TMEM117: variants seen among roughly 807,000 people sequenced by gnomAD.
The protein encoded by TMEM117 is transmembrane protein 117.
TMEM117 carries 27 observed loss-of-function variants against 52.4 expected under a neutral mutation model. The observed-to-expected ratio is 0.51, with a 90% CI of 0.38 to 0.71. The LOEUF is 0.71. Ranked by LOEUF, TMEM117 falls within the 30% of genes least tolerant of loss-of-function variation. The probability of loss-of-function intolerance (pLI) is 0.00; values close to 1 mark genes in which losing one functional copy is unlikely to be tolerated. For missense variants in TMEM117, 556 were observed against 630.5 expected (o/e 0.88, Z 1.26); for synonymous variants, 215 against 206.3 (o/e 1.04, Z -0.36).
the TMEM117 span, among the ~76,000 whole-genome samples, chr12:44,396,130 C>G: frequency 6.6e-6 from 1 of 152,078 alleles, no homozygotes; most frequent in African/African-American, 2.4e-5. Flanking sequence ...CTCTGGTTTT[C>G]TCTCCCCTGT....
At chr12:44,095,593 A>G (rs1947744736) in intron 3 of TMEM117, among the ~76,000 whole-genome samples, 1 of 152,082 alleles carries the variant, frequency 6.6e-6, no homozygotes, top group Admixed American at 6.6e-5. Context: ...TAGATTCAAG[A>G]GAAAGTTGCA....
rs1183754046 is a variant in TMEM117 at position 44,209,241 on chromosome 12, C to T, written c.511-2049C>T. On this transcript the variant is annotated intron_variant, in intron 4 of 7. Coordinates refer to ENST00000266534, the MANE Select transcript of TMEM117 (RefSeq NM_032256.3). ...TGTGAGATTTAAATTTCTCTATTTT[C>T]AACTTTATTCTTTTTTTCCAGTAAC... Among the ~76,000 whole-genome samples the T allele has an allele frequency of 2.0e-5, 3 of 151,938 alleles. No homozygotes were observed. The East Asian group carries it at 5.8e-4, about 29-fold the overall frequency.
At chr12:44,222,822 C>A (rs577413639) in intron 5 of TMEM117, among the ~76,000 whole-genome samples, 1 of 152,198 alleles carries the variant, frequency 6.6e-6, no homozygotes, top group African/African-American at 2.4e-5. Context: ...AAAACAGAAT[C>A]CCCATTACAT....
intron 3 of TMEM117, among the ~76,000 whole-genome samples, chr12:44,115,451 G>A (rs930497070): frequency 2.6e-5 from 4 of 151,952 alleles, no homozygotes; most frequent in African/African-American, 9.7e-5. Flanking sequence ...AGAACTTAAA[G>A]TACAATTTAA....
At chr12:44,308,504 T>C (rs1396863208) in intron 6 of TMEM117, among the ~76,000 whole-genome samples, 3 of 152,212 alleles carry the variant, frequency 2.0e-5, no homozygotes, top group African/African-American at 7.2e-5. Context: ...TCAGCCATGC[T>C]ATTGGCACCC....
At chr12:44,341,061 A>G (rs1173953242) in intron 6 of TMEM117, among the ~76,000 whole-genome samples, 1 of 151,910 alleles carries the variant, frequency 6.6e-6, no homozygotes, top group Non-Finnish European at 1.5e-5. Context: ...GTGCAGTGGC[A>G]TGATCACAGC....
At chr12:44,251,299 A>G (rs986905493) in intron 5 of TMEM117, among the ~76,000 whole-genome samples, 5 of 152,222 alleles carry the variant, frequency 3.3e-5, no homozygotes, top group African/African-American at 9.6e-5. Context: ...AATCCCAGGG[A>G]GGCATTTAAA....
At chr12:43,820,837 C>G in the TMEM117 span, among the ~76,000 whole-genome samples, 2 of 151,878 alleles carry the variant, frequency 1.3e-5, no homozygotes. Flanking sequence ...CGCGTTGGCT[C>G]ACGCCTGTAA....
intron 3 of TMEM117, among the ~76,000 whole-genome samples, chr12:44,134,931 G>C (rs1183541142): frequency 1.3e-5 from 2 of 152,012 alleles, no homozygotes; most frequent in African/African-American, 4.8e-5. Flanking sequence ...GCATGTCCCA[G>C]GAAGGCATTG....
At chr12:43,901,711 T>C (rs1363741983) in intron 2 of TMEM117, among the ~76,000 whole-genome samples, 8 of 152,202 alleles carry the variant, frequency 5.3e-5, no homozygotes, top group Admixed American at 5.2e-4. Flanking sequence ...ACAGCGCTAC[T>C]AACCAACTTT....
intron 4 of TMEM117, among the ~76,000 whole-genome samples, chr12:44,152,294 TATA>T (rs1174990058): frequency 1.1e-4 from 12 of 111,158 alleles, no homozygotes; most frequent in East Asian, 3.1e-4. Context: ...TAATTATATT[TATA>T]ATATTTATAT....
At chr12:44,145,870 C>T (rs1455492919) in intron 4 of TMEM117, among the ~76,000 whole-genome samples, 2 of 152,224 alleles carry the variant, frequency 1.3e-5, no homozygotes, top group Admixed American at 6.5e-5. Context: ...TTTGCAGGCT[C>T]ATGCCAGCCA....
chr12:43,968,945 T>TGCATGTCCTTTTA (rs1395534658), intron 3 of TMEM117, among the ~76,000 whole-genome samples: 2 of 152,198 alleles, frequency 1.3e-5, no homozygotes, highest in Admixed American at 6.5e-5. Flanking sequence ...CGGATTTATG[T>TGCATGTCCTTTTA]GCATGTCCTT....
At chr12:43,957,581 A>G (rs1173879560) in intron 3 of TMEM117, among the ~76,000 whole-genome samples, 2 of 152,210 alleles carry the variant, frequency 1.3e-5, no homozygotes, top group African/African-American at 4.8e-5. Context: ...ACCCTGAACC[A>G]GTCTATTTAG....
intron 2 of TMEM117, among the ~76,000 whole-genome samples, chr12:43,922,176 C>T (rs1441575529): frequency 6.6e-6 from 1 of 152,076 alleles, no homozygotes; most frequent in Non-Finnish European, 1.5e-5. Flanking sequence ...CTCTTTCTGT[C>T]TCTGCTTCTC....
chr12:44,266,761 G>A (rs1950382922), intron 5 of TMEM117, among the ~76,000 whole-genome samples: 1 of 151,998 alleles, frequency 6.6e-6, no homozygotes, highest in Non-Finnish European at 1.5e-5. Context: ...CTTATATTTA[G>A]GTTGTTGATC....
chr12:44,030,799 G>A (rs537009936), intron 3 of TMEM117, among the ~76,000 whole-genome samples: 1 of 152,242 alleles, frequency 6.6e-6, no homozygotes, highest in African/African-American at 2.4e-5. Flanking sequence ...TAAAGCTGAA[G>A]GTTTAAGCAA....
At chr12:43,802,041 A>G in the TMEM117 span, among the ~76,000 whole-genome samples, 4 of 152,154 alleles carry the variant, frequency 2.6e-5, no homozygotes, top group African/African-American at 9.7e-5. Context: ...AAAAAGAAAG[A>G]AAAAATTGCC....
chr12:43,949,633 C>T (rs966153600), intron 3 of TMEM117, among the ~76,000 whole-genome samples: 5 of 152,128 alleles, frequency 3.3e-5, no homozygotes, highest in African/African-American at 1.2e-4. Flanking sequence ...ACTGCCTTTC[C>T]CTGGCACTGG....
Sources: gnomAD v4.1 joint callset for allele counts (sites outside exome capture counted in the v4.1 genomes callset) on GRCh38, gnomAD v4.1.1 for gene constraint, MANE v1.5 for transcripts, NCBI Gene and HGNC (gene_info 2026-07-23, HGNC 2026-07-21) for gene names.